Variants in NKAIN2 observed in about 807,000 individuals in gnomAD.
NKAIN2 encodes the protein sodium/potassium-transporting ATPase subunit beta-1-interacting protein 2.
NKAIN2 carries 14 observed loss-of-function variants against 32.6 expected under a neutral mutation model. That is an observed-to-expected ratio of 0.43 (90% CI 0.28 to 0.67). The LOEUF (loss-of-function observed/expected upper bound fraction) is 0.67, where lower values mean the gene tolerates loss of function less well. Among genes scored for constraint, NKAIN2 ranks in the 30% least tolerant of loss-of-function variants. The pLI, the probability that NKAIN2 is intolerant of heterozygous loss-of-function variation, is 0.17. For missense variants in NKAIN2, 198 were observed against 258.3 expected (o/e 0.77, Z 1.60); for synonymous variants, 80 against 87.2 (o/e 0.92, Z 0.46).
At chr6:123,810,295 A>T (rs1282743097) in intron 1 of NKAIN2, among the ~76,000 whole-genome samples, 3 of 152,180 alleles carry the variant, frequency 2.0e-5, no homozygotes, top group African/African-American at 7.2e-5. Context: ...TGTAAAATAA[A>T]ACTATAGCAG....
chr6:123,991,506 G>A (rs945440488), intron 1 of NKAIN2, among the ~76,000 whole-genome samples: 2 of 152,088 alleles, frequency 1.3e-5, no homozygotes, highest in African/African-American at 2.4e-5. Flanking sequence ...AAGAGTCTGT[G>A]CCATGTAATA....
chr6:124,275,350 A>C (rs2626095), intron 1 of NKAIN2, among the ~76,000 whole-genome samples: 1 of 152,060 alleles, frequency 6.6e-6, no homozygotes, highest in African/African-American at 2.4e-5. Context: ...TATATTAAGA[A>C]ATGCCATGTA....
At chr6:124,764,536 G>A (rs1198467220) in intron 4 of NKAIN2, among the ~76,000 whole-genome samples, 4 of 152,132 alleles carry the variant, frequency 2.6e-5, no homozygotes, top group Non-Finnish European at 4.4e-5. Context: ...GAGTCTATGG[G>A]ATAAAAATGG....
At chr6:124,334,841 A>G (rs1797803703) in intron 2 of NKAIN2, among the ~76,000 whole-genome samples, 2 of 152,198 alleles carry the variant, frequency 1.3e-5, no homozygotes, top group East Asian at 1.9e-4. Flanking sequence ...TCTTTATTTC[A>G]AAGTTAAACT....
intron 1 of NKAIN2, among the ~76,000 whole-genome samples, chr6:123,941,610 A>G (rs1776829723): frequency 2.0e-5 from 3 of 151,968 alleles, no homozygotes; most frequent in African/African-American, 7.2e-5. Flanking sequence ...ATAAATATAT[A>G]AAGAAGGTAC....
At chr6:124,690,885 A>T (rs1461378593) in intron 4 of NKAIN2, among the ~76,000 whole-genome samples, 3 of 152,116 alleles carry the variant, frequency 2.0e-5, no homozygotes, top group Non-Finnish European at 4.4e-5. Context: ...ATTTTGTCAC[A>T]TGGCTTTCTT....
At chr6:124,730,559 T>C (rs1776612271) in intron 4 of NKAIN2, among the ~76,000 whole-genome samples, 1 of 135,500 alleles carries the variant, frequency 7.4e-6, no homozygotes, top group Non-Finnish European at 1.6e-5. Context: ...AAAAATCAAT[T>C]CAAGATGGAT....
chr6:124,602,581 T>C (rs1177501890), intron 3 of NKAIN2, among the ~76,000 whole-genome samples: 1 of 151,898 alleles, frequency 6.6e-6, no homozygotes, highest in Non-Finnish European at 1.5e-5. Context: ...ACAAAATACT[T>C]GAAGGGGAAA....
intron 3 of NKAIN2, among the ~76,000 whole-genome samples, chr6:124,404,981 G>C (rs1167008888): frequency 6.6e-6 from 1 of 152,042 alleles, no homozygotes; most frequent in Non-Finnish European, 1.5e-5. Flanking sequence ...TCAGTACCTA[G>C]TGAAGTGTCT....
chr6:124,659,779 T>G (rs1273904266), intron 4 of NKAIN2, among the ~76,000 whole-genome samples: 1 of 152,016 alleles, frequency 6.6e-6, no homozygotes, highest in African/African-American at 2.4e-5. Flanking sequence ...CACAGTTCAT[T>G]GTGCGGAATT....
At chr6:124,598,862 C>A (rs914032129) in intron 3 of NKAIN2, among the ~76,000 whole-genome samples, 5 of 151,928 alleles carry the variant, frequency 3.3e-5, no homozygotes, top group Admixed American at 2.0e-4. Flanking sequence ...TGGATATATG[C>A]CCATGTGTTC....
At chr6:124,537,973 TA>T (rs1264715975) in intron 3 of NKAIN2, among the ~76,000 whole-genome samples, 1 of 152,186 alleles carries the variant, frequency 6.6e-6, no homozygotes. Context: ...AAATATTTTC[TA>T]AGCAGTAAGT....
intron 3 of NKAIN2, among the ~76,000 whole-genome samples, chr6:124,395,232 T>C (rs941280437): frequency 7.2e-5 from 11 of 152,174 alleles, no homozygotes; most frequent in Admixed American, 3.9e-4. Flanking sequence ...CACTGTCCTA[T>C]TCCCACAGGA....
intron 3 of NKAIN2, among the ~76,000 whole-genome samples, chr6:124,515,523 A>G (rs1778873740): frequency 6.6e-6 from 1 of 152,000 alleles, no homozygotes; most frequent in Non-Finnish European, 1.5e-5. Flanking sequence ...ATGATTCATA[A>G]GAATGAGAAC....
chr6:123,911,803 A>ATATATATATATATG (rs1562253423), intron 1 of NKAIN2, among the ~76,000 whole-genome samples: 3 of 98,618 alleles, frequency 3.0e-5, no homozygotes, highest in African/African-American at 4.7e-5. Context: ...ATATATATGT[A>ATATATATATATATG]TATATATATA....
chr6:124,287,922 T>C (rs1040491098), intron 2 of NKAIN2, among the ~76,000 whole-genome samples: 15 of 151,778 alleles, frequency 9.9e-5, no homozygotes, highest in South Asian at 4.2e-4. Flanking sequence ...AAACAAATGT[T>C]GCTGTGTAAC....
Position 124,136,671 on chromosome 6 carries a change from T to G in NKAIN2, c.55-146334T>G, listed in dbSNP as rs1267736040. Among the ~76,000 whole-genome samples the G allele has an allele frequency of 3.3e-5, 5 of 151,710 alleles. No individual in the cohort carries two copies. The East Asian group carries it at 9.6e-4, about 29-fold the overall frequency. On this transcript the variant is annotated intron_variant, in intron 1 of 6. Transcript: ENST00000368417. The stretch of plus-strand genomic sequence containing the variant: ...AGATAATATGTCGTGATTAAGTGGG[T>G]TTTATACCAGGGATGCAGGGACGGT...
At chr6:124,434,397 T>G (rs73578465) in intron 3 of NKAIN2, among the ~76,000 whole-genome samples, 1,923 of 152,146 alleles carry the variant, frequency 0.013, 36 homozygotes, top group African/African-American at 0.044. Flanking sequence ...TTGTGGGAAG[T>G]TTAGTATTTA....
intron 4 of NKAIN2, among the ~76,000 whole-genome samples, chr6:124,739,167 T>A (rs1777086832): frequency 6.6e-6 from 1 of 151,950 alleles, no homozygotes. Context: ...AATGCCAATA[T>A]AAAATACAAT....
Sources: allele counts gnomAD v4.1 joint callset (sites outside exome capture counted in the v4.1 genomes callset), GRCh38; gene constraint gnomAD v4.1.1; transcripts MANE v1.5; gene names NCBI Gene and HGNC (gene_info 2026-07-23, HGNC 2026-07-21).